The following CYB5B variants were observed in gnomAD, a reference collection of about 807,000 sequenced individuals.
CYB5B encodes cytochrome b5 type B.
CYB5B carries 14 observed loss-of-function variants against 21.3 expected under a neutral mutation model. The ratio of observed to expected loss-of-function variants is 0.66; its 90% CI spans 0.43 to 1.03. The LOEUF (loss-of-function observed/expected upper bound fraction) is 1.03. CYB5B is among the 50% of genes least tolerant of loss of function. The probability of loss-of-function intolerance (pLI) is 0.00; values close to 1 mark genes in which losing one functional copy is unlikely to be tolerated. For missense variants in CYB5B, 166 were observed against 185.1 expected (o/e 0.90, Z 0.60); for synonymous variants, 69 against 68.4 (o/e 1.01, Z -0.04).
intron 1 of CYB5B, 84 bp downstream of exon 1, chr16:69,424,941 G>C: frequency 3.0e-6 from 4 of 1,352,980 alleles, no homozygotes; most frequent in Non-Finnish European, 2.9e-6. Flanking sequence ...GGAAGGAAGG[G>C]AGGCTTGGCT....
intron 1 of CYB5B, among the ~76,000 whole-genome samples, chr16:69,425,539 A>T (rs1022053859): frequency 1.9e-4 from 28 of 150,544 alleles, no homozygotes; most frequent in Admixed American, 1.8e-3. Flanking sequence ...GGTGCAACTA[A>T]TTTTTTTTTT....
At chr16:69,435,102 G>A (rs2014746933) in intron 1 of CYB5B, among the ~76,000 whole-genome samples, 1 of 152,072 alleles carries the variant, frequency 6.6e-6, no homozygotes, top group South Asian at 2.1e-4. Context: ...CCAAGTGTCT[G>A]GTTGAGCTTT....
chr16:69,445,048 C>T (rs1305351032), intron 1 of CYB5B, among the ~76,000 whole-genome samples: 1 of 152,112 alleles, frequency 6.6e-6, no homozygotes, highest in African/African-American at 2.4e-5. Context: ...TCAGTCATTC[C>T]CTGAAATGTT....
chr16:69,434,331 A>G (rs1262771564), intron 1 of CYB5B, among the ~76,000 whole-genome samples: 1 of 152,194 alleles, frequency 6.6e-6, no homozygotes, highest in African/African-American at 2.4e-5. Flanking sequence ...AGGAACTGTC[A>G]TGTACAAATC....
chr16:69,441,163 T>TA (rs1278131798), intron 1 of CYB5B, among the ~76,000 whole-genome samples: 1 of 150,894 alleles, frequency 6.6e-6, no homozygotes, highest in Non-Finnish European at 1.5e-5. Flanking sequence ...CTTTTTTTTT[T>TA]TTTTTTTTGA....
intron 3 of CYB5B, among the ~76,000 whole-genome samples, chr16:69,453,816 C>T (rs965723629): frequency 6.6e-6 from 1 of 152,162 alleles, no homozygotes; most frequent in African/African-American, 2.4e-5. Flanking sequence ...GCCTTGGCCT[C>T]TCAAAGTGCT....
At chr16:69,430,290 C>T (rs1597279163) in intron 1 of CYB5B, among the ~76,000 whole-genome samples, 3 of 152,140 alleles carry the variant, frequency 2.0e-5, no homozygotes, top group Non-Finnish European at 1.5e-5. Context: ...CATCTTGGCT[C>T]ACTGCAGCCT....
intron 1 of CYB5B, among the ~76,000 whole-genome samples, chr16:69,435,449 A>G (rs1469328863): frequency 6.6e-6 from 1 of 152,164 alleles, no homozygotes; most frequent in Non-Finnish European, 1.5e-5. Flanking sequence ...TCTGTGCCCA[A>G]GTAATTCTTG....
At chr16:69,458,468 A>G (rs2015002922) in intron 3 of CYB5B, among the ~76,000 whole-genome samples, 1 of 152,192 alleles carries the variant, frequency 6.6e-6, no homozygotes, top group Admixed American at 6.5e-5. Context: ...GCATATATCA[A>G]TACTTCAGTA....
chr16:69,440,877 A>C (rs145784840), intron 1 of CYB5B, among the ~76,000 whole-genome samples: 1 of 151,046 alleles, frequency 6.6e-6, no homozygotes, highest in Non-Finnish European at 1.5e-5. Context: ...CAGGATGGTC[A>C]TGAACTCCCA....
intron 4 of CYB5B, among the ~76,000 whole-genome samples, chr16:69,460,523 T>G (rs901212193): frequency 2.2e-4 from 33 of 152,170 alleles, no homozygotes; most frequent in Admixed American, 5.9e-4. Flanking sequence ...ATTTTGCAAA[T>G]AAGAGTTGGT....
At chr16:69,445,408 A>G (rs184280518) in intron 1 of CYB5B, among the ~76,000 whole-genome samples, 1 of 152,314 alleles carries the variant, frequency 6.6e-6, no homozygotes, top group East Asian at 1.9e-4. Context: ...ATGACTGGGA[A>G]GTAACACTTA....
chr16:69,434,342 T>G (rs2014737307), intron 1 of CYB5B, among the ~76,000 whole-genome samples: 1 of 152,220 alleles, frequency 6.6e-6, no homozygotes, highest in Non-Finnish European at 1.5e-5. Context: ...TGTACAAATC[T>G]TTGTGTGGAC....
At chr16:69,432,202 T>G (rs1356052990) in intron 1 of CYB5B, among the ~76,000 whole-genome samples, 3 of 152,184 alleles carry the variant, frequency 2.0e-5, no homozygotes, top group Admixed American at 1.3e-4. Flanking sequence ...CTGACATGTT[T>G]GAAGATGAGG....
At chr16:69,439,701 G>A (rs1173654322) in intron 1 of CYB5B, among the ~76,000 whole-genome samples, 1 of 151,896 alleles carries the variant, frequency 6.6e-6, no homozygotes, top group East Asian at 1.9e-4. Context: ...TGAGTAGCTG[G>A]AATTATAGGA....
chr16:69,424,929 T>C (rs2014627367), intron 1 of CYB5B, 72 bp downstream of exon 1: 7 of 1,379,564 alleles, frequency 5.1e-6, no homozygotes, highest in Admixed American at 3.0e-5. Context: ...GGAGTGTATG[T>C]GGGAAGGAAG....
Position 69,424,785 on chromosome 16 carries a change from G to C in CYB5B, c.102G>C (p.Lys34Asn), listed in dbSNP as rs567878565. 2.5e-6 allele frequency: 4 copies of C among 1,609,720 alleles called. No homozygotes were observed. Among genetic ancestry groups the C allele is most frequent in the East Asian group, 4.5e-5 (2 of 44,298 alleles). ...ATTACCGGTTGGAGGAGGTGGCAAA[G>C]CGCAACTCCTTGAAGGAACTGTGGC... is the stretch of plus-strand genomic sequence containing the variant. ...VTYYRLEEVA[K>N]RNSLKELWLV... Residue 34 changes from lysine to asparagine, a missense_variant, in exon 1 of 5, where the codon AAG (lysine) becomes AAC (asparagine). Physicochemically the swap from Lys to Asn is moderately conservative, Grantham distance 94. Coordinates refer to ENST00000307892, the MANE Select transcript of CYB5B (RefSeq NM_030579.3).
At chr16:69,429,494 A>G (rs1339483416) in intron 1 of CYB5B, among the ~76,000 whole-genome samples, 1 of 152,114 alleles carries the variant, frequency 6.6e-6, no homozygotes, top group Non-Finnish European at 1.5e-5. Flanking sequence ...TGCATTTACA[A>G]TCCTCTAGCT....
chr16:69,435,701 G>A (rs35211785), intron 1 of CYB5B, among the ~76,000 whole-genome samples: 1 of 151,892 alleles, frequency 6.6e-6, no homozygotes, highest in Non-Finnish European at 1.5e-5. Context: ...GCAGTGGCGC[G>A]GTCTCAGCTC....
Sources: gnomAD v4.1 joint callset for allele counts (sites outside exome capture counted in the v4.1 genomes callset) on GRCh38, gnomAD v4.1.1 for gene constraint, MANE v1.5 for transcripts, NCBI Gene and HGNC (gene_info 2026-07-23, HGNC 2026-07-21) for gene names.